SLC45A4: variants seen among roughly 807,000 people sequenced by gnomAD.
SLC45A4 encodes solute carrier family 45 member 4.
In SLC45A4, 32 loss-of-function variants were observed where a neutral mutation model predicts 63.7. That is an observed-to-expected ratio of 0.50 (90% CI 0.38 to 0.67). The LOEUF is 0.67. Among genes scored for constraint, SLC45A4 ranks in the 30% least tolerant of loss-of-function variants. SLC45A4 has a pLI of 0.00. For synonymous variants in SLC45A4, 535 were observed against 510.0 expected (o/e 1.05, Z -0.66); for missense variants, 1,027 against 1,157.7 (o/e 0.89, Z 1.64).
intron 2 of SLC45A4, among the ~76,000 whole-genome samples, chr8:141,232,057 G>A (rs897943506): frequency 1.6e-4 from 25 of 152,354 alleles, no homozygotes; most frequent in Admixed American, 3.3e-4. Flanking sequence ...CCAAGTGCCC[G>A]ACTCAGGCTC....
In SLC45A4 at chr8:141,208,401, G is replaced by A. The variant is rs1825631614; in HGVS notation, c.*3171C>T. 6.6e-6 allele frequency: 1 copy of A among 152,146 alleles called. No homozygotes were observed. The highest frequency in any genetic ancestry group is 1.5e-5 in the Non-Finnish European group (1 of 68,038). The allele number at this position is 152,146 out of a possible 1,614,324, so 9.4% of individuals were successfully genotyped here. A position where few individuals can be genotyped will look rare whatever the true frequency, so the allele number is the denominator to read the frequency against. On this transcript the variant is annotated 3_prime_UTR_variant, in exon 9 of 9. Transcript: ENST00000517878. ...AGGGACGGCTTCCTGTTCAGCTCTG[G>A]GGTTCTAGGTGGTCACAGACCAAGT...
chr8:141,242,061 C>G (rs1275053403), intron 2 of SLC45A4, among the ~76,000 whole-genome samples: 1 of 152,226 alleles, frequency 6.6e-6, no homozygotes, highest in African/African-American at 2.4e-5. Flanking sequence ...TATCCTCAAG[C>G]TCCCTGCACA....
At chr8:141,289,424 A>G (rs531527815) in intron 1 of SLC45A4, among the ~76,000 whole-genome samples, 4 of 152,224 alleles carry the variant, frequency 2.6e-5, no homozygotes, top group African/African-American at 9.6e-5. Flanking sequence ...AGTCACAAAG[A>G]TGTTATCTCA....
At chr8:141,301,623 T>G (rs1341768276) in intron 1 of SLC45A4, among the ~76,000 whole-genome samples, 1 of 150,370 alleles carries the variant, frequency 6.7e-6, no homozygotes, top group Admixed American at 6.7e-5. Flanking sequence ...TAAGCCCAGC[T>G]ACCTGGAGGG....
At chr8:141,226,759 A>T (rs1481094985) in intron 2 of SLC45A4, 1 of 152,224 alleles carries the variant, frequency 6.6e-6, no homozygotes, top group Non-Finnish European at 1.5e-5. Context: ...CTGCAAGGAA[A>T]GCTCAAGCCC....
At chr8:141,291,255 C>T (rs542144033) in intron 1 of SLC45A4, among the ~76,000 whole-genome samples, 1 of 152,304 alleles carries the variant, frequency 6.6e-6, no homozygotes, top group East Asian at 1.9e-4. Context: ...CAGCTTTCAC[C>T]ACATCTCCAA....
At chr8:141,214,158 C>T (rs1825998098) in intron 7 of SLC45A4, among the ~76,000 whole-genome samples, 1 of 149,702 alleles carries the variant, frequency 6.7e-6, no homozygotes, top group South Asian at 2.1e-4. Flanking sequence ...CACCACTGCA[C>T]TCCAGCCTGG....
At chr8:141,270,076 G>A (rs1277962951) in intron 1 of SLC45A4, among the ~76,000 whole-genome samples, 1 of 152,102 alleles carries the variant, frequency 6.6e-6, no homozygotes, top group African/African-American at 2.4e-5. Context: ...CCTGCTTGCA[G>A]ACCTTGCCTC....
chr8:141,301,019 C>CA (rs535154505), intron 1 of SLC45A4, among the ~76,000 whole-genome samples: 552 of 152,304 alleles, frequency 3.6e-3, no homozygotes, highest in Non-Finnish European at 7.0e-3. Context: ...GTGGGGAACT[C>CA]AGAGAGCCGC....
At chr8:141,244,424 C>T (rs780936709) in intron 2 of SLC45A4, among the ~76,000 whole-genome samples, 2 of 152,210 alleles carry the variant, frequency 1.3e-5, no homozygotes, top group Non-Finnish European at 2.9e-5. Flanking sequence ...GTCACTCGTT[C>T]AGTCCTGCAA....
intron 2 of SLC45A4, among the ~76,000 whole-genome samples, chr8:141,236,900 C>A (rs1827655243): frequency 6.6e-6 from 1 of 152,240 alleles, no homozygotes; most frequent in African/African-American, 2.4e-5. Context: ...ACACATGGCC[C>A]ACAGATCAAC....
intron 7 of SLC45A4, among the ~76,000 whole-genome samples, chr8:141,213,914 A>C (rs1825982171): frequency 6.6e-6 from 1 of 152,234 alleles, no homozygotes; most frequent in Non-Finnish European, 1.5e-5. Context: ...AAATTAAAGC[A>C]TCATACTCTG....
chr8:141,283,142 T>A (rs560502427), intron 1 of SLC45A4, among the ~76,000 whole-genome samples: 2 of 152,324 alleles, frequency 1.3e-5, no homozygotes, highest in East Asian at 3.9e-4. Context: ...CATCACTGCT[T>A]CTCCTATCCC....
intron 1 of SLC45A4, among the ~76,000 whole-genome samples, chr8:141,277,877 C>T (rs1469785662): frequency 2.6e-5 from 4 of 152,114 alleles, no homozygotes; most frequent in East Asian, 1.9e-4. Context: ...CTCCTGACCT[C>T]GTGATCCGCC....
At chr8:141,268,531 G>A (rs1162065286) in intron 1 of SLC45A4, among the ~76,000 whole-genome samples, 5 of 152,190 alleles carry the variant, frequency 3.3e-5, no homozygotes, top group African/African-American at 1.2e-4. Flanking sequence ...CACTGGGGGA[G>A]GCTGGGAGTG....
rs115016882 is a variant in SLC45A4 at position 141,283,941 on chromosome 8, T to A, written c.-401+24155A>T. ...GAGAGTTTCACCTGCTCAAACCCAA[T>A]CAGGCTGTGTGGAGCTCATGCCACC... On this transcript the variant is annotated intron_variant, in intron 1 of 8. Transcript: ENST00000517878. 3.4e-3 allele frequency among the ~76,000 whole-genome samples: 524 copies of A among 152,248 alleles called. 3 individuals carry two copies. Among genetic ancestry groups the A allele is most frequent in the African/African-American group, 0.012 (493 of 41,522 alleles).
chr8:141,308,225 C>T lies in SLC45A4; in HGVS notation c.-530G>A, dbSNP rs1830964172. On this transcript the variant is annotated 5_prime_UTR_variant, in exon 1 of 9. Coordinates refer to ENST00000517878, the MANE Select transcript of SLC45A4 (RefSeq NM_001286646.2). Reference sequence around the variant, plus strand: ...CTGCGGGTCCGGGCGGGGGCTGCTCCCTCGGCCGGCCGGCCGGGCGGTCAG... The same window carrying T: ...CTGCGGGTCCGGGCGGGGGCTGCTCTCTCGGCCGGCCGGCCGGGCGGTCAG... The T allele has an allele frequency of 6.8e-6, 1 of 147,624 alleles. No homozygotes were observed. The highest frequency in any genetic ancestry group is 3.4e-3 in the Middle Eastern group (1 of 290). The allele number at this position is 147,624 out of a possible 1,614,324, so 9.1% of individuals were successfully genotyped here.
At chr8:141,300,524 C>T (rs1830705800) in intron 1 of SLC45A4, among the ~76,000 whole-genome samples, 1 of 152,242 alleles carries the variant, frequency 6.6e-6, no homozygotes. Context: ...CGGGCAGAGG[C>T]CCACCTTCCC....
At chr8:141,247,348 T>C (rs1341242586) in intron 2 of SLC45A4, among the ~76,000 whole-genome samples, 1 of 151,962 alleles carries the variant, frequency 6.6e-6, no homozygotes, top group Non-Finnish European at 1.5e-5. Flanking sequence ...ATACTTTAAG[T>C]ATGTGACGGA....
Sources: allele counts gnomAD v4.1 joint callset (sites outside exome capture counted in the v4.1 genomes callset), GRCh38; gene constraint gnomAD v4.1.1; transcripts MANE v1.5; gene names NCBI Gene and HGNC (gene_info 2026-07-23, HGNC 2026-07-21).